TIAM1: variants seen among roughly 807,000 people sequenced by gnomAD.
TIAM1 encodes the protein TIAM Rac1 associated GEF 1, also known as rho guanine nucleotide exchange factor TIAM1.
A neutral mutation model predicts 163.5 loss-of-function variants in TIAM1; 65 were observed. The observed-to-expected ratio is 0.40, with a 90% CI of 0.33 to 0.49. The LOEUF is 0.49. Ranked by LOEUF, TIAM1 falls within the 20% of genes least tolerant of loss-of-function variation. The pLI is 0.77. For synonymous variants in TIAM1, 833 were observed against 810.1 expected, an observed-to-expected ratio of 1.03 and a Z score of -0.48; for missense variants, 1,789 against 2,044.7, an observed-to-expected ratio of 0.87 and a Z score of 2.41.
intron 1 of TIAM1, among the ~76,000 whole-genome samples, chr21:31,558,321 G>A (rs1347015658): frequency 6.6e-6 from 1 of 152,104 alleles, no homozygotes; most frequent in Non-Finnish European, 1.5e-5. Flanking sequence ...CGCTTTTAAT[G>A]CCCCCCTCCG....
chr21:31,447,715 G>A (rs983817913), intron 2 of TIAM1, among the ~76,000 whole-genome samples: 7 of 152,144 alleles, frequency 4.6e-5, no homozygotes, highest in Admixed American at 1.3e-4. Context: ...TGAGGAGGTG[G>A]ACAGTGACCA....
intron 6 of TIAM1, among the ~76,000 whole-genome samples, chr21:31,241,473 GC>G (rs1302979192): frequency 2.0e-5 from 3 of 152,060 alleles, no homozygotes; most frequent in Admixed American, 6.6e-5. Flanking sequence ...CTAATAATTA[GC>G]TGACTACTAA....
chr21:31,547,870 AGTT>A (rs1182210510), intron 1 of TIAM1, among the ~76,000 whole-genome samples: 3 of 152,228 alleles, frequency 2.0e-5, no homozygotes, highest in Admixed American at 6.5e-5. Context: ...TGCATGACAC[AGTT>A]ATTAGCAATA....
intron 16 of TIAM1, among the ~76,000 whole-genome samples, chr21:31,159,920 T>C (rs1447727621): frequency 6.6e-6 from 1 of 152,194 alleles, no homozygotes; most frequent in Non-Finnish European, 1.5e-5. Flanking sequence ...ACACGTCCCC[T>C]GAGCCAACCC....
rs1244749923 is a variant in TIAM1, at chr21:31,436,554, G to A, written c.-369+27429C>T. On this transcript the variant is annotated intron_variant, in intron 2 of 28. Coordinates refer to the TIAM1 transcript ENST00000286827. The stretch of plus-strand genomic sequence containing the variant: ...AGGCACAAGAATCACTTGAACCTGG[G>A]AGGTAGAGGTTGCAGTGAGCTGAGA... Among the ~76,000 whole-genome samples, 5 of 152,078 alleles carry A rather than the reference G, an allele frequency of 3.3e-5. 1 individual carries two copies. The highest frequency in any genetic ancestry group is 3.3e-4 in the Admixed American group (5 of 15,264).
chr21:31,280,821 T>TG lies in TIAM1; in HGVS notation c.-188-3914dup, dbSNP rs555861745. ...TCAAAGTGTCAAAGACACTTGGGGGTGGGGGGGCAGGGGACAGACACAGTG... is the reference window on the plus strand; with the variant it reads ...TCAAAGTGTCAAAGACACTTGGGGGTGGGGGGGGCAGGGGACAGACACAGTG... On this transcript the variant is annotated intron_variant, in intron 2 of 27. Transcript: ENST00000541036. 2.4e-3 allele frequency among the ~76,000 whole-genome samples: 187 copies of TG among 77,050 alleles called. 1 individual carries two copies. The highest frequency in any genetic ancestry group is 0.014 in the Middle Eastern group (2 of 148). The allele number at this position is 77,050 out of a possible 152,430, so 50.5% of individuals were successfully genotyped here. A position where few individuals can be genotyped will look rare whatever the true frequency, so the allele number is the denominator to read the frequency against.
intron 8 of TIAM1, among the ~76,000 whole-genome samples, chr21:31,222,693 ATATATATATATATATTTTTTTTTTTT>A (rs2087641237): frequency 2.5e-5 from 1 of 39,912 alleles, no homozygotes; most frequent in Non-Finnish European, 5.3e-5. Context: ...ATATATATAT[ATATATATATATATATTTTTTTTTTTT>A]TTTTTTTTTT....
At chr21:31,203,745 G>A (rs1289133918) in intron 11 of TIAM1, among the ~76,000 whole-genome samples, 1 of 152,268 alleles carries the variant, frequency 6.6e-6, no homozygotes. Context: ...GAAAAAAGCT[G>A]TGCCCAGGCA....
At chr21:31,293,349 A>G (rs185972946) in intron 2 of TIAM1, among the ~76,000 whole-genome samples, 157 of 152,100 alleles carry the variant, frequency 1.0e-3, no homozygotes, top group African/African-American at 3.4e-3. Flanking sequence ...GCTTTACTCA[A>G]CCCCTACTGA....
rs546738245 is a variant in TIAM1 at position 31,209,505 on chromosome 21, T to C, written c.2388+540A>G. Among the ~76,000 whole-genome samples the C allele has an allele frequency of 7.9e-5, 12 of 152,336 alleles. No individual in the cohort carries two copies. In the East Asian group the frequency reaches 1.9e-3, roughly 24 times the overall value. ...AATTCTGTGTTCACAAAAGAAGAAT[T>C]TCCCATCAATGGAGGTCAAACTTAT... is the stretch of plus-strand genomic sequence containing the variant. On this transcript the variant is annotated intron_variant, in intron 11 of 27. Transcript: ENST00000541036.
intron 6 of TIAM1, among the ~76,000 whole-genome samples, chr21:31,228,220 TAAAAAAAAAA>T (rs71191197): frequency 1.8e-3 from 29 of 16,256 alleles, no homozygotes; most frequent in Admixed American, 6.0e-3. Context: ...CTCCTTTTTT[TAAAAAAAAAA>T]AAAAAAAAAA....
At chr21:31,539,851 T>C (rs1331559877) in intron 1 of TIAM1, among the ~76,000 whole-genome samples, 2 of 152,096 alleles carry the variant, frequency 1.3e-5, no homozygotes, top group Non-Finnish European at 2.9e-5. Context: ...TAAAATGGGA[T>C]GGCAGTACTC....
At chr21:31,453,684 T>C (rs1016545970) in intron 2 of TIAM1, among the ~76,000 whole-genome samples, 2 of 92 alleles carry the variant, frequency 0.022, no homozygotes, top group African/African-American at 0.083. Context: ...CGAGACTCCA[T>C]CTCCAGTAAA....
intron 1 of TIAM1, among the ~76,000 whole-genome samples, chr21:31,490,044 T>C (rs2046414171): frequency 6.6e-6 from 1 of 152,212 alleles, no homozygotes; most frequent in South Asian, 2.1e-4. Flanking sequence ...TTTCCAATTT[T>C]TTTCCCAAAA....
rs540914510 is a variant in TIAM1, at chr21:31,314,255, T to C, written c.-189+24988A>G. Among the ~76,000 whole-genome samples, 35 of 152,294 alleles carry C rather than the reference T, an allele frequency of 2.3e-4. No individual in the cohort carries two copies. In the South Asian group the frequency reaches 7.1e-3, roughly 31 times the overall value. ...ACCCTTGGCAAGGATATATTTTTTT[T>C]AAGTTTTACTATCACAGAAAATCAG... On this transcript the variant is annotated intron_variant, in intron 2 of 27. Coordinates refer to ENST00000541036, the MANE Select transcript of TIAM1 (RefSeq NM_001353694.2).
chr21:31,174,155 C>T (rs1246095084), intron 15 of TIAM1, among the ~76,000 whole-genome samples: 1 of 152,202 alleles, frequency 6.6e-6, no homozygotes, highest in Non-Finnish European at 1.5e-5. Context: ...CCCTCCCTGC[C>T]GCCTGACTGT....
At chr21:31,177,365 C>T (rs115868844) in intron 15 of TIAM1, among the ~76,000 whole-genome samples, 2,311 of 152,188 alleles carry the variant, frequency 0.015, 55 homozygotes, top group African/African-American at 0.051. Context: ...CCTGCACTTT[C>T]GGAGGGTGAG....
At chr21:31,137,891 A>G (rs1191782667) in intron 22 of TIAM1, among the ~76,000 whole-genome samples, 1 of 149,830 alleles carries the variant, frequency 6.7e-6, no homozygotes, top group Non-Finnish European at 1.5e-5. Flanking sequence ...TACGAGATAA[A>G]TATCTGTTGT....
intron 2 of TIAM1, among the ~76,000 whole-genome samples, chr21:31,449,741 C>G (rs980996692): frequency 2.6e-5 from 4 of 152,168 alleles, no homozygotes; most frequent in African/African-American, 7.2e-5. Context: ...CCAGCCACTT[C>G]CACAGAGAAA....
Sources: allele counts gnomAD v4.1 joint callset (sites outside exome capture counted in the v4.1 genomes callset), GRCh38; gene constraint gnomAD v4.1.1; transcripts MANE v1.5; gene names NCBI Gene and HGNC (gene_info 2026-07-23, HGNC 2026-07-21).